The following PCDHGB1 variants were observed in gnomAD, a reference collection of about 807,000 sequenced individuals.
PCDHGB1 encodes protocadherin gamma subfamily B, 1.
In PCDHGB1, 34 loss-of-function variants were observed where a neutral mutation model predicts 56.6. That is an observed-to-expected ratio of 0.60 (90% CI 0.46 to 0.80). The LOEUF (loss-of-function observed/expected upper bound fraction) is 0.80. Ranked by LOEUF, PCDHGB1 falls within the 30% of genes least tolerant of loss-of-function variation. The probability of loss-of-function intolerance (pLI) is 0.00; values close to 1 mark genes in which losing one functional copy is unlikely to be tolerated. For synonymous variants in PCDHGB1, 561 were observed against 505.9 expected, an observed-to-expected ratio of 1.11 and a Z score of -1.46; for missense variants, 1,278 against 1,204.6, an observed-to-expected ratio of 1.06 and a Z score of -0.90.
intron 1 of PCDHGB1, chr5:141,441,477 C>T (rs529495102): frequency 1.2e-4 from 20 of 170,782 alleles, no homozygotes; most frequent in Middle Eastern, 5.7e-4. Context: ...ATGCCAACGA[C>T]AATGCTCTGG....
At chr5:141,437,764 A>G (rs1408729040) in intron 1 of PCDHGB1, among the ~76,000 whole-genome samples, 1 of 149,226 alleles carries the variant, frequency 6.7e-6, no homozygotes, top group Non-Finnish European at 1.5e-5. Flanking sequence ...TTTGAGACAG[A>G]GTCTCAATCT....
At chr5:141,469,780 G>A (rs775691161) in intron 1 of PCDHGB1, among the ~76,000 whole-genome samples, 12 of 152,080 alleles carry the variant, frequency 7.9e-5, no homozygotes, top group Non-Finnish European at 1.8e-4. Context: ...ATTTATTACA[G>A]CGTTATTTGT....
At chr5:141,484,359 T>A (rs1218120598) in intron 1 of PCDHGB1, among the ~76,000 whole-genome samples, 1 of 152,222 alleles carries the variant, frequency 6.6e-6, no homozygotes, top group Non-Finnish European at 1.5e-5. Context: ...GTGTATCTAG[T>A]GTATCACTAG....
At chr5:141,362,036 A>G in intron 1 of PCDHGB1, 1 of 1,609,914 alleles carries the variant, frequency 6.2e-7, no homozygotes, top group South Asian at 1.1e-5. Context: ...GCCTTGGGCG[A>G]CAGGGACGCG....
chr5:141,485,687 C>T lies in PCDHGB1; in HGVS notation c.2410-9120C>T. 1 of 1,614,066 alleles carries T rather than the reference C, an allele frequency of 6.2e-7. No individual in the cohort carries two copies. Among genetic ancestry groups the T allele is most frequent in the Non-Finnish European group, 8.5e-7 (1 of 1,179,966 alleles). ...GAGCAATTCGATTAGCAGCTATAGG[C>T]TGAGCTCCAATGAACACTTTGCACT... On this transcript the variant is annotated intron_variant, in intron 1 of 3. Transcript: ENST00000523390. The surrounding 1 kb of genome is among the most constrained non-coding windows in gnomAD (Gnocchi z 5.7).
chr5:141,494,950 A>T, intron 2 of PCDHGB1, 85 bp downstream of exon 2: 2 of 1,607,070 alleles, frequency 1.2e-6, no homozygotes, highest in African/African-American at 2.7e-5. Context: ...AGGGCCCAGC[A>T]TTTGCTACAG....
At chr5:141,447,535 G>C (rs1366016262) in intron 1 of PCDHGB1, among the ~76,000 whole-genome samples, 1 of 152,162 alleles carries the variant, frequency 6.6e-6, no homozygotes, top group African/African-American at 2.4e-5. Flanking sequence ...AAATTGTTGG[G>C]TTTTAATGTT....
At chr5:141,448,907 T>G (rs1253773780) in intron 1 of PCDHGB1, among the ~76,000 whole-genome samples, 1 of 152,178 alleles carries the variant, frequency 6.6e-6, no homozygotes, top group African/African-American at 2.4e-5. Flanking sequence ...ATCGTGCCAC[T>G]GCACTCCAGC....
intron 1 of PCDHGB1, chr5:141,394,190 G>T (rs1370592594): frequency 1.2e-6 from 2 of 1,613,684 alleles, no homozygotes; most frequent in Non-Finnish European, 1.7e-6. Flanking sequence ...CCTACTCAGC[G>T]TATATCCTAG....
chr5:141,476,747 C>T lies in PCDHGB1; in HGVS notation c.2410-18060C>T. The T allele has an allele frequency of 6.2e-7, 1 of 1,614,066 alleles. No homozygotes were observed. The highest frequency in any genetic ancestry group is 8.5e-7 in the Non-Finnish European group (1 of 1,180,036). On this transcript the variant is annotated intron_variant, in intron 1 of 3. Transcript: ENST00000523390. This position sits in a 1 kb window ranked among gnomAD's most constrained non-coding sequence, Gnocchi z 7.6. The stretch of plus-strand genomic sequence containing the variant: ...GGACCGAGAACGGGAGCCTAGTCTC[C>T]AGTTAGTGCTGACGGCGTTGGACGG...
intron 1 of PCDHGB1, chr5:141,371,031 ACAG>A (rs763935015): frequency 6.2e-7 from 1 of 1,613,990 alleles, no homozygotes; most frequent in East Asian, 2.2e-5. Context: ...CCTGGTCCTC[ACAG>A]CTGTGGATGG....
intron 1 of PCDHGB1, 106 bp from the exon 2 acceptor site, chr5:141,494,701 C>T: frequency 6.3e-7 from 1 of 1,594,596 alleles, no homozygotes; most frequent in Admixed American, 1.7e-5. Flanking sequence ...CCGTTTTCTT[C>T]TCTGTGCCCA....
At chr5:141,449,566 G>A (rs1235137244) in intron 1 of PCDHGB1, among the ~76,000 whole-genome samples, 4 of 147,126 alleles carry the variant, frequency 2.7e-5, no homozygotes, top group East Asian at 4.0e-4. Context: ...TCCAGCCTGG[G>A]CGACAGAGCA....
intron 1 of PCDHGB1, chr5:141,419,164 C>G: frequency 6.2e-7 from 1 of 1,613,966 alleles, no homozygotes; most frequent in Non-Finnish European, 8.5e-7. Context: ...TATCCTCCAG[C>G]AAAACCATAA....
At position 141,352,062 on chromosome 5, in the gene PCDHGB1, C is replaced by A. The variant is rs754428978; in HGVS notation, c.1802C>A (p.Ser601Tyr). 3 of 1,605,904 alleles carry A rather than the reference C, an allele frequency of 1.9e-6. No homozygotes were observed. The highest frequency in any genetic ancestry group is 2.2e-5 in the South Asian group (2 of 90,868). ...GACTCAGGACACAACGCTTGGCTGTCCTACCACGTGCTGCAGGCCAGCGAG... is the reference window on the plus strand; with the variant it reads ...GACTCAGGACACAACGCTTGGCTGTACTACCACGTGCTGCAGGCCAGCGAG... ...DADSGHNAWL[S>Y]YHVLQASEPG... Residue 601 changes from serine (S) to tyrosine (Y), a missense_variant, in exon 1 of 4, where the codon TCC becomes TAC. Transcript: ENST00000523390.
At chr5:141,370,842 G>A in intron 1 of PCDHGB1, 1 of 1,614,058 alleles carries the variant, frequency 6.2e-7, no homozygotes, top group Non-Finnish European at 8.5e-7. Context: ...TCTCACTGGA[G>A]CCACATTTGC....
chr5:141,422,656 G>A (rs759548203), intron 1 of PCDHGB1: 3 of 1,609,780 alleles, frequency 1.9e-6, no homozygotes, highest in Non-Finnish European at 1.7e-6. Context: ...CTCAGTGACC[G>A]CCCTCGACCC....
At chr5:141,460,981 GTGTATA>G (rs1450537646) in intron 1 of PCDHGB1, among the ~76,000 whole-genome samples, 10 of 121,882 alleles carry the variant, frequency 8.2e-5, no homozygotes, top group African/African-American at 3.1e-4. Flanking sequence ...GTGTGTGTGT[GTGTATA>G]TATATATATG....
rs79464787 is a variant in PCDHGB1, at chr5:141,480,455, T to C, written c.2410-14352T>C. Among the ~76,000 whole-genome samples the C allele has an allele frequency of 7.4e-3, 1,134 of 152,274 alleles. 17 individuals are homozygous for C. The highest frequency in any genetic ancestry group is 0.026 in the African/African-American group (1,086 of 41,548). ...CAGCTATTACTATAATTATTTTTAT[T>C]AGTTCCTCACTCACCTAAAATCTCA... On this transcript the variant is annotated intron_variant, in intron 1 of 3. Transcript: ENST00000523390.
Sources: gnomAD v4.1 joint callset for allele counts (sites outside exome capture counted in the v4.1 genomes callset) on GRCh38, gnomAD v4.1.1 for gene constraint, Gnocchi (gnomAD v3.1) non-coding constraint, MANE v1.5 for transcripts, NCBI Gene and HGNC (gene_info 2026-07-23, HGNC 2026-07-21) for gene names.